Variants in SGCD observed in about 807,000 individuals in gnomAD.
SGCD encodes the protein delta-sarcoglycan.
Under a neutral mutation model 36.6 loss-of-function variants are expected in SGCD, and 18 were observed. The observed-to-expected ratio is 0.49, with a 90% CI of 0.34 to 0.73. The LOEUF (loss-of-function observed/expected upper bound fraction) is 0.73, where lower values mean the gene tolerates loss of function less well. SGCD is among the 30% of genes least tolerant of loss of function. The probability of loss-of-function intolerance (pLI) is 0.01; values close to 1 mark genes in which losing one functional copy is unlikely to be tolerated. For synonymous variants in SGCD, 133 were observed against 130.6 expected, an observed-to-expected ratio of 1.02 and a Z score of -0.12; for missense variants, 387 against 346.7, an observed-to-expected ratio of 1.12 and a Z score of -0.92.
chr5:156,482,090 A>AG (rs1223516102), intron 3 of SGCD, among the ~76,000 whole-genome samples: 2 of 152,156 alleles, frequency 1.3e-5, no homozygotes, highest in Admixed American at 6.5e-5. Context: ...TGAGATGTTG[A>AG]GGAAAGCAAA....
the SGCD span, among the ~76,000 whole-genome samples, chr5:155,763,326 G>A: frequency 1.3e-5 from 2 of 152,174 alleles, no homozygotes; most frequent in East Asian, 1.9e-4. Flanking sequence ...TGAGAGGGCA[G>A]AGGGAGTACC....
chr5:156,197,927 C>T (rs1020227621), intron 3 of SGCD, among the ~76,000 whole-genome samples: 5 of 152,048 alleles, frequency 3.3e-5, no homozygotes, highest in Admixed American at 6.6e-5. Flanking sequence ...CACCTACTTA[C>T]GTAATTAGCA....
intron 7 of SGCD, among the ~76,000 whole-genome samples, chr5:156,705,503 T>A (rs181456023): frequency 6.6e-6 from 1 of 152,304 alleles, no homozygotes; most frequent in East Asian, 1.9e-4. Flanking sequence ...ATTGAAATAC[T>A]GGGTCCTTGT....
intron 3 of SGCD, among the ~76,000 whole-genome samples, chr5:156,257,188 T>TAAAA (rs1554087750): frequency 2.0e-5 from 3 of 150,992 alleles, no homozygotes; most frequent in African/African-American, 7.3e-5. Context: ...AATAAATAAA[T>TAAAA]AAAAGGCCAG....
At chr5:156,086,631 G>T (rs1436462158) in intron 1 of SGCD, among the ~76,000 whole-genome samples, 1 of 152,168 alleles carries the variant, frequency 6.6e-6, no homozygotes, top group Non-Finnish European at 1.5e-5. Context: ...TCAGATAACT[G>T]CCTAGTGGGG....
chr5:156,136,818 A>G (rs2127608596), intron 3 of SGCD, among the ~76,000 whole-genome samples: 1 of 152,350 alleles, frequency 6.6e-6, no homozygotes, highest in African/African-American at 2.4e-5. Context: ...TGTACAGTTA[A>G]TGGTTAAACC....
chr5:156,252,169 G>A (rs990333229), intron 3 of SGCD, among the ~76,000 whole-genome samples: 1 of 151,776 alleles, frequency 6.6e-6, no homozygotes, highest in Non-Finnish European at 1.5e-5. Flanking sequence ...CCGGGTTCAA[G>A]CCATTCTTCT....
At chr5:155,896,426 A>T (rs1257728745) in intron 1 of SGCD, among the ~76,000 whole-genome samples, 5 of 150,438 alleles carry the variant, frequency 3.3e-5, no homozygotes, top group African/African-American at 9.8e-5. Context: ...CCTTGAGCTC[A>T]GGAGTTTGAG....
At chr5:156,603,734 C>T (rs57188583) in intron 6 of SGCD, among the ~76,000 whole-genome samples, 4 of 151,976 alleles carry the variant, frequency 2.6e-5, no homozygotes, top group African/African-American at 9.6e-5. Flanking sequence ...TAGTTGATTT[C>T]TAGTTTTATA....
chr5:156,246,350 T>TA (rs1212714240), intron 3 of SGCD, among the ~76,000 whole-genome samples: 1 of 152,066 alleles, frequency 6.6e-6, no homozygotes, highest in African/African-American at 2.4e-5. Context: ...GACTGATGTG[T>TA]AAGAGAGAAA....
intron 1 of SGCD, among the ~76,000 whole-genome samples, chr5:156,071,758 G>C (rs1286547337): frequency 6.6e-6 from 1 of 152,142 alleles, no homozygotes; most frequent in Admixed American, 6.5e-5. Context: ...ATTATTGTGT[G>C]GGAGTCTAAA....
chr5:156,243,271 T>A (rs1765350921), intron 3 of SGCD, among the ~76,000 whole-genome samples: 1 of 152,196 alleles, frequency 6.6e-6, no homozygotes, highest in South Asian at 2.1e-4. Flanking sequence ...TGCGGGTGCC[T>A]GGTGGAAGCG....
chr5:155,964,142 T>C (rs1005094514), intron 1 of SGCD, among the ~76,000 whole-genome samples: 4 of 152,158 alleles, frequency 2.6e-5, no homozygotes, highest in Non-Finnish European at 4.4e-5. Context: ...GACAGTTGGA[T>C]GTTTTTCTTT....
chr5:155,899,998 C>A (rs1259681011), intron 1 of SGCD, among the ~76,000 whole-genome samples: 4 of 152,080 alleles, frequency 2.6e-5, no homozygotes, highest in Non-Finnish European at 4.4e-5. Flanking sequence ...TTATTGTTAA[C>A]CTTTTACTAA....
At chr5:156,559,934 T>C (rs1759200058) in intron 4 of SGCD, among the ~76,000 whole-genome samples, 1 of 152,294 alleles carries the variant, frequency 6.6e-6, no homozygotes, top group Non-Finnish European at 1.5e-5. Context: ...CTCTAAGAAG[T>C]AAAGTTATGG....
chr5:156,268,750 G>A (rs115654184), intron 3 of SGCD, among the ~76,000 whole-genome samples: 2,560 of 152,120 alleles, frequency 0.017, 72 homozygotes, highest in African/African-American at 0.057. Flanking sequence ...GCGCCATCAC[G>A]CCTGGCAAAT....
intron 3 of SGCD, among the ~76,000 whole-genome samples, chr5:156,429,260 A>ATTTT (rs1773817008): frequency 8.5e-6 from 1 of 117,512 alleles, no homozygotes; most frequent in South Asian, 2.5e-4. Context: ...AATGTCCCTC[A>ATTTT]TTGTCTTTTT....
the SGCD span, among the ~76,000 whole-genome samples, chr5:155,794,529 A>G: frequency 6.6e-6 from 1 of 151,982 alleles, no homozygotes; most frequent in Non-Finnish European, 1.5e-5. Context: ...AAATAATATA[A>G]CACATTAATT....
In SGCD at chr5:156,266,945, A is replaced by G. The variant is rs1208630686; in HGVS notation, c.-43-62589A>G. On this transcript the variant is annotated intron_variant, in intron 3 of 9. Transcript: ENST00000517913. ...GCTTTGAAAAATTGAAAGAAAAAAA[A>G]TAGCCCTCATTGATCTTCTTACTGT... 2.6e-5 allele frequency among the ~76,000 whole-genome samples: 4 copies of G among 152,196 alleles called. No homozygotes were observed. The South Asian group carries it at 6.2e-4, about 24-fold the overall frequency.
Sources: allele counts gnomAD v4.1 joint callset (sites outside exome capture counted in the v4.1 genomes callset), GRCh38; gene constraint gnomAD v4.1.1; transcripts MANE v1.5; gene names NCBI Gene and HGNC (gene_info 2026-07-23, HGNC 2026-07-21).